Variants in COPG2 observed in about 807,000 individuals in gnomAD.
COPG2 encodes the protein coatomer subunit gamma-2.
COPG2 carries 37 observed loss-of-function variants against 46.3 expected under a neutral mutation model. The ratio of observed to expected loss-of-function variants is 0.80; its 90% CI spans 0.61 to 1.05. The LOEUF is 1.05. COPG2 is among the 50% of genes least tolerant of loss of function. The probability of loss-of-function intolerance (pLI) is 0.00; values close to 1 mark genes in which losing one functional copy is unlikely to be tolerated. For synonymous variants in COPG2, 159 were observed against 129.7 expected (o/e 1.23, Z -1.53); for missense variants, 427 against 387.8 (o/e 1.10, Z -0.85).
intron 6 of COPG2, among the ~76,000 whole-genome samples, chr7:130,616,130 C>T (rs1794944797): frequency 6.6e-6 from 1 of 152,136 alleles, no homozygotes; most frequent in African/African-American, 2.4e-5. Context: ...TGAGAAGTTT[C>T]ATTTAGTATT....
intron 20 of COPG2, among the ~76,000 whole-genome samples, chr7:130,536,038 G>A (rs902723503): frequency 7.0e-4 from 106 of 152,202 alleles, no homozygotes; most frequent in African/African-American, 2.5e-3. Flanking sequence ...AAGGGCCTAC[G>A]AAAATTAGAT....
chr7:130,591,549 G>C (rs547935240), intron 9 of COPG2, among the ~76,000 whole-genome samples: 1 of 133,154 alleles, frequency 7.5e-6, no homozygotes, highest in South Asian at 2.6e-4. Flanking sequence ...CGCCCCTACT[G>C]GGAAGTGAGG....
chr7:130,555,186 T>C, intron 12 of COPG2, 54 bp from the exon 13 acceptor site: 1 of 396,624 alleles, frequency 2.5e-6, no homozygotes, highest in Non-Finnish European at 4.4e-6. Context: ...CTACCACCTA[T>C]AAAAAGCAAA....
intron 20 of COPG2, among the ~76,000 whole-genome samples, chr7:130,534,265 C>T (rs1799857915): frequency 6.6e-6 from 1 of 152,036 alleles, no homozygotes; most frequent in Admixed American, 6.5e-5. Flanking sequence ...AAGACAGCAC[C>T]TCCACAGAAA....
At chr7:130,668,589 G>A in intron 1 of COPG2, 43 bp downstream of exon 1, 1 of 1,488,600 alleles carries the variant, frequency 6.7e-7, no homozygotes, top group South Asian at 1.3e-5. Context: ...GGGGGAAGGG[G>A]CGTCCCGCGG....
chr7:130,523,507 G>C (rs917553958), intron 20 of COPG2, among the ~76,000 whole-genome samples: 2 of 152,182 alleles, frequency 1.3e-5, no homozygotes, highest in African/African-American at 4.8e-5. Context: ...AGGGGAAGAC[G>C]CACGTGCAGT....
intron 1 of COPG2, 135 bp downstream of exon 1, chr7:130,668,497 G>GGGCCGGCTCCAGCTCCGGCCCCCT (rs1190257862): frequency 2.9e-5 from 19 of 660,242 alleles, no homozygotes; most frequent in Non-Finnish European, 3.8e-5. Context: ...GGGAGGGGAG[G>GGGCCGGCTCCAGCTCCGGCCCCCT]GGCCGGCTCC....
intron 17 of COPG2, among the ~76,000 whole-genome samples, chr7:130,549,826 T>G (rs1393378664): frequency 6.6e-5 from 10 of 152,194 alleles, no homozygotes; most frequent in Admixed American, 2.6e-4. Flanking sequence ...GATTAGATAT[T>G]CTTTGGGAAT....
intron 5 of COPG2, among the ~76,000 whole-genome samples, chr7:130,651,736 T>C (rs1554459135): frequency 2.6e-5 from 4 of 151,236 alleles, no homozygotes. Flanking sequence ...CAGGATGGTC[T>C]CGATCTCCTG....
At chr7:130,563,967 C>T (rs1049893994) in intron 10 of COPG2, among the ~76,000 whole-genome samples, 7 of 150,398 alleles carry the variant, frequency 4.7e-5, no homozygotes, top group Non-Finnish European at 8.9e-5. Context: ...AAGTTTCATA[C>T]GAGGAAACAG....
intron 20 of COPG2, among the ~76,000 whole-genome samples, chr7:130,543,993 A>C (rs1346885999): frequency 6.6e-6 from 1 of 152,232 alleles, no homozygotes; most frequent in Non-Finnish European, 1.5e-5. Flanking sequence ...AGATCTTTCA[A>C]TGGGTTAGAC....
intron 9 of COPG2, among the ~76,000 whole-genome samples, chr7:130,586,814 A>G (rs1794282068): frequency 6.6e-6 from 1 of 152,020 alleles, no homozygotes; most frequent in African/African-American, 2.4e-5. Context: ...CCTAAATGTG[A>G]ATCTTTTCCT....
At chr7:130,622,740 A>G (rs542315708) in intron 5 of COPG2, among the ~76,000 whole-genome samples, 2 of 152,174 alleles carry the variant, frequency 1.3e-5, no homozygotes, top group Non-Finnish European at 2.9e-5. Context: ...GGTTTTGGCT[A>G]CTTCTCCAAT....
At chr7:130,653,647 T>C (rs1795793916) in intron 4 of COPG2, among the ~76,000 whole-genome samples, 2 of 152,300 alleles carry the variant, frequency 1.3e-5, no homozygotes, top group South Asian at 4.1e-4. Flanking sequence ...ACACTATGGA[T>C]AAATGGGCAG....
At position 130,507,380 on chromosome 7, in the gene COPG2, GAGA is replaced by G; in HGVS notation, c.2387-11_2387-9del. On this transcript the variant is annotated splice_polypyrimidine_tract_variant and intron_variant, in intron 22 of 23. Transcript: ENST00000425248. ...TGATATTGTTGACAGCCTCTGTGTT[GAGA>G]AGATGTATGAGACAGTATTAGGAAA... 1 of 780,600 alleles carries G rather than the reference GAGA, an allele frequency of 1.3e-6. No homozygotes were observed. The highest frequency in any genetic ancestry group is 1.3e-5 in the South Asian group (1 of 74,596). 48.4% of individuals were successfully genotyped at this position (780,600 alleles called of 1,614,324 possible). A position where few individuals can be genotyped will look rare whatever the true frequency, so the allele number is the denominator to read the frequency against.
At chr7:130,526,986 AAAACCATC>A (rs1799781331) in intron 20 of COPG2, among the ~76,000 whole-genome samples, 1 of 151,114 alleles carries the variant, frequency 6.6e-6, no homozygotes, top group African/African-American at 2.4e-5. Context: ...AGGCATTTGA[AAAACCATC>A]TTACTTAATT....
Position 130,633,914 on chromosome 7 carries a change from G to T in COPG2, c.324-16849C>A, listed in dbSNP as rs527763039. Among the ~76,000 whole-genome samples, 9 of 152,174 alleles carry T rather than the reference G, an allele frequency of 5.9e-5. No individual in the cohort carries two copies. The South Asian group carries it at 1.7e-3, about 28-fold the overall frequency. ...TTTTTGTATAAGGTGTAAGAAAGGGGTCCAGTTTGAGTTTTCTGCATATAG... is the reference window on the plus strand; with the variant it reads ...TTTTTGTATAAGGTGTAAGAAAGGGTTCCAGTTTGAGTTTTCTGCATATAG... On this transcript the variant is annotated intron_variant, in intron 5 of 23. Coordinates refer to ENST00000425248, the MANE Select transcript of COPG2 (RefSeq NM_012133.6).
At chr7:130,574,633 G>A (rs1554445957) in intron 9 of COPG2, among the ~76,000 whole-genome samples, 1 of 151,916 alleles carries the variant, frequency 6.6e-6, no homozygotes. Context: ...ACAAAACAAG[G>A]CTCTTTAACA....
intron 9 of COPG2, among the ~76,000 whole-genome samples, chr7:130,588,786 T>TA (rs1460006224): frequency 6.6e-6 from 1 of 151,164 alleles, no homozygotes; most frequent in African/African-American, 2.5e-5. Flanking sequence ...CCCTAAAACT[T>TA]AAAGTATAAT....
Sources: gnomAD v4.1 joint callset for allele counts (sites outside exome capture counted in the v4.1 genomes callset) on GRCh38, gnomAD v4.1.1 for gene constraint, MANE v1.5 for transcripts, NCBI Gene and HGNC (gene_info 2026-07-23, HGNC 2026-07-21) for gene names.